SDCBP2: variants seen among roughly 807,000 people sequenced by gnomAD.
SDCBP2 encodes the protein syndecan binding protein 2.
In SDCBP2, 28 loss-of-function variants were observed where a neutral mutation model predicts 30.7. The ratio of observed to expected loss-of-function variants is 0.91; its 90% CI spans 0.68 to 1.25. The LOEUF is 1.25. Ranked by LOEUF, SDCBP2 falls within the 50% of genes most tolerant of loss-of-function variation. The pLI is 0.00. For synonymous variants in SDCBP2, 166 were observed against 157.3 expected, an observed-to-expected ratio of 1.06 and a Z score of -0.41; for missense variants, 399 against 379.0, an observed-to-expected ratio of 1.05 and a Z score of -0.44.
At chr20:1,315,874 C>T (rs2088769389) in intron 4 of SDCBP2, among the ~76,000 whole-genome samples, 1 of 152,130 alleles carries the variant, frequency 6.6e-6, no homozygotes, top group Non-Finnish European at 1.5e-5. Flanking sequence ...ACTCCCAAAA[C>T]ACTACAGACA....
chr20:1,312,767 G>A lies in SDCBP2; in HGVS notation c.385-5C>T. The A allele has an allele frequency of 6.2e-7, 1 of 1,606,630 alleles. No individual in the cohort carries two copies. ...GACCAACTGCACAAAGAGCCCCTGG[G>A]GGAGGCAGGGCCCCAGAGTCAGTGT... On this transcript the variant is annotated splice_region_variant and splice_polypyrimidine_tract_variant and intron_variant, in intron 5 of 8. Transcript: ENST00000360779.
Position 1,320,598 on chromosome 20 carries a change from C to A in SDCBP2, c.-19-163G>T, listed in dbSNP as rs909285377. The A allele has an allele frequency of 3.7e-5, 21 of 563,256 alleles. No homozygotes were observed. Among genetic ancestry groups the A allele is most frequent in the Non-Finnish European group, 6.4e-5 (20 of 313,574 alleles). 34.9% of individuals were successfully genotyped at this position (563,256 alleles called of 1,614,324 possible). A position where few individuals can be genotyped will look rare whatever the true frequency, so the allele number is the denominator to read the frequency against. ...CCGAACTCCACCCCTAATCCCCTGT[C>A]GATATTTGAACTCTACTGTATTCCA... is the stretch of plus-strand genomic sequence containing the variant. On this transcript the variant is annotated intron_variant, in intron 1 of 8. Transcript: ENST00000360779. The surrounding 1 kb of genome is among the most constrained non-coding windows in gnomAD (Gnocchi z 4.7).
At position 1,320,259 on chromosome 20, in the gene SDCBP2, G is replaced by T; in HGVS notation, c.54+104C>A. The stretch of plus-strand genomic sequence containing the variant: ...CCTGCAGTGGACACCTACATGCCCT[G>T]AGGCCTACGGGAATCTCCAAGTGGC... On this transcript the variant is annotated intron_variant, in intron 2 of 8. Transcript: ENST00000360779. This position sits in a 1 kb window ranked among gnomAD's most constrained non-coding sequence, Gnocchi z 4.7. 1 of 1,025,052 alleles carries T rather than the reference G, an allele frequency of 9.8e-7. No homozygotes were observed. Among genetic ancestry groups the T allele is most frequent in the Non-Finnish European group, 1.5e-6 (1 of 678,756 alleles). 63.5% of individuals were successfully genotyped at this position (1,025,052 alleles called of 1,614,324 possible).
rs183766118 is a variant in SDCBP2, at chr20:1,318,562, C to T, written c.125-144G>A. The T allele has an allele frequency of 8.6e-4, 501 of 583,396 alleles. 3 individuals carry two copies. The East Asian group carries it at 0.014, about 17-fold the overall frequency. 36.1% of individuals were successfully genotyped at this position (583,396 alleles called of 1,614,324 possible). ...TATTTCCAAGACTGTGGGGTATCCC[C>T]AGGAACACTCACTGATGAGCGCTCC... On this transcript the variant is annotated intron_variant, in intron 3 of 8. Transcript: ENST00000360779.
chr20:1,314,983 T>C (rs1287001639), intron 4 of SDCBP2, among the ~76,000 whole-genome samples: 1 of 152,242 alleles, frequency 6.6e-6, no homozygotes, highest in Non-Finnish European at 1.5e-5. Flanking sequence ...ACAAGATGTT[T>C]TGCAGATCCA....
At chr20:1,327,198 G>C (rs2088940807) in intron 1 of SDCBP2, among the ~76,000 whole-genome samples, 1 of 152,160 alleles carries the variant, frequency 6.6e-6, no homozygotes, top group Admixed American at 6.5e-5. Flanking sequence ...CTGAGCTTCT[G>C]TACTTTTTGA....
chr20:1,310,615 T>C (rs2088648392), intron 8 of SDCBP2, 120 bp from the exon 9 acceptor site: 8 of 1,090,366 alleles, frequency 7.3e-6, no homozygotes, highest in South Asian at 1.5e-5. Context: ...TCTAAGACTT[T>C]CGAATCACCA....
intron 4 of SDCBP2, among the ~76,000 whole-genome samples, chr20:1,315,448 G>C (rs2088763169): frequency 6.6e-6 from 1 of 152,174 alleles, no homozygotes; most frequent in South Asian, 2.1e-4. Context: ...AGGATCGCTT[G>C]AGCCCAGGAG....
chr20:1,326,966 T>C (rs1448471733), intron 1 of SDCBP2, among the ~76,000 whole-genome samples: 1 of 152,200 alleles, frequency 6.6e-6, no homozygotes, highest in Non-Finnish European at 1.5e-5. Flanking sequence ...GTAGAAAGTC[T>C]TTCGAAGAAT....
At position 1,313,966 on chromosome 20, in the gene SDCBP2, G is replaced by A. The variant is rs2088729394; in HGVS notation, c.226-468C>T. On this transcript the variant is annotated intron_variant, in intron 4 of 8. Coordinates refer to ENST00000360779, the MANE Select transcript of SDCBP2 (RefSeq NM_080489.5). This position sits in a 1 kb window ranked among gnomAD's most constrained non-coding sequence, Gnocchi z 5.2. ...AAGATGGTACTGGAAGACCTAGCCAGCACAGTAGGCAAGAAAAGAGGGGGA... is the reference window on the plus strand; with the variant it reads ...AAGATGGTACTGGAAGACCTAGCCAACACAGTAGGCAAGAAAAGAGGGGGA... Among the ~76,000 whole-genome samples the A allele has an allele frequency of 6.6e-6, 1 of 152,164 alleles. No homozygotes were observed. The highest frequency in any genetic ancestry group is 1.5e-5 in the Non-Finnish European group (1 of 68,030).
In SDCBP2 at chr20:1,312,620, G is replaced by T; in HGVS notation, c.527C>A (p.Ser176Ter). 1 of 1,614,126 alleles carries T rather than the reference G, an allele frequency of 6.2e-7. No individual in the cohort carries two copies. The highest frequency in any genetic ancestry group is 8.5e-7 in the Non-Finnish European group (1 of 1,180,000). The part of the protein sequence containing the change: ...HKAHQVVKKA[S>*]GDKIVVVVRD... ...AACCACCACGACAATCTTATCGCCT[G>T]ATGCCTTCTTCACCACCTGATGGGC... The change falls in exon 6 of 9, where the codon TCA becomes TAA. Residue 176 changes from serine to a stop codon, truncating the protein, a stop_gained. Coordinates refer to ENST00000360779, the MANE Select transcript of SDCBP2 (RefSeq NM_080489.5). LOFTEE classifies it high-confidence loss of function.
chr20:1,319,535 A>G lies in SDCBP2; in HGVS notation c.124+55T>C. ...TTGGCATTGCCAAGCTTCCCTGATG[A>G]TCTCTTCCCTGAAAGGACTTGGCAC... On this transcript the variant is annotated intron_variant, in intron 3 of 8. Transcript: ENST00000360779. 8.6e-6 allele frequency: 13 copies of G among 1,520,384 alleles called. No individual in the cohort carries two copies. The South Asian group carries it at 1.6e-4, about 18-fold the overall frequency. The allele number at this position is 1,520,384 out of a possible 1,614,324, so 94.2% of individuals were successfully genotyped here.
chr20:1,312,370 A>T lies in SDCBP2; in HGVS notation c.699T>A (p.Cys233Ter). 1 of 1,613,358 alleles carries T rather than the reference A, an allele frequency of 6.2e-7. No individual in the cohort carries two copies. The change falls in exon 7 of 9, where the codon TGT becomes TGA. Residue 233 changes from cysteine (C) to a stop codon, truncating the protein, a stop_gained. Transcript: ENST00000360779. LOFTEE classifies it high-confidence loss of function. Reference protein sequence around the residue: ...RNGLLTNHYVCEVDGQNVIGL... With the variant: ...RNGLLTNHYV ...CGATAACATTCTGCCCGTCCACCTC[A>T]CACACGTAGTGGTTGGTGAGGAGCC...
At position 1,318,416 on chromosome 20, in the gene SDCBP2, A is replaced by G; in HGVS notation, c.127T>C (p.Leu43=). 1 of 1,583,492 alleles carries G rather than the reference A, an allele frequency of 6.3e-7. No homozygotes were observed. The change falls in exon 4 of 9, where the codon TTG becomes CTG. Residue 43 remains leucine (L), a splice_region_variant and synonymous_variant. Transcript: ENST00000360779. The part of the protein sequence containing the change: ...QATAISPPPV[L]YPNLAELENY... ...TCCAGTTCTGCCAAGTTTGGGTACAAAACTGATAGGGAAAGAAGGAAGAAT... is the reference window on the plus strand; with the variant it reads ...TCCAGTTCTGCCAAGTTTGGGTACAGAACTGATAGGGAAAGAAGGAAGAAT...
chr20:1,312,320 T>C lies in SDCBP2; in HGVS notation c.732+17A>G, dbSNP rs4814110. On this transcript the variant is annotated intron_variant, in intron 7 of 8. Transcript: ENST00000360779. ...CCACCACCCGGCAGTCCCTCCCTGG[T>C]GCGGCCACCAGCCTACCTTCAGCCC... is the stretch of plus-strand genomic sequence containing the variant. The C allele has an allele frequency of 1, 1,606,849 of 1,609,120 alleles. 802,309 individuals are homozygous for C. The highest frequency in any genetic ancestry group is 1 in the East Asian group (44,662 of 44,666).
In SDCBP2 at chr20:1,313,095, TG is replaced by T; in HGVS notation, c.384+244del. 1 of 593,052 alleles carries T rather than the reference TG, an allele frequency of 1.7e-6. No individual in the cohort carries two copies. The highest frequency in any genetic ancestry group is 3.0e-6 in the Non-Finnish European group (1 of 335,448). The allele number at this position is 593,052 out of a possible 1,614,324, so 36.7% of individuals were successfully genotyped here. ...GATGCCCTGGGCAGCGAAGGGCAGG[TG>T]GGGAAGGGAGGCTCCTCCGAGCGAC... On this transcript the variant is annotated intron_variant, in intron 5 of 8. Coordinates refer to ENST00000360779, the MANE Select transcript of SDCBP2 (RefSeq NM_080489.5). This position sits in a 1 kb window ranked among gnomAD's most constrained non-coding sequence, Gnocchi z 5.2.
rs1416454047 is a variant in SDCBP2 at position 1,313,043 on chromosome 20, G to C, written c.385-281C>G. 2 of 585,498 alleles carry C rather than the reference G, an allele frequency of 3.4e-6. No homozygotes were observed. The highest frequency in any genetic ancestry group is 6.1e-5 in the Admixed American group (2 of 32,548). The allele number at this position is 585,498 out of a possible 1,614,324, so 36.3% of individuals were successfully genotyped here. On this transcript the variant is annotated intron_variant, in intron 5 of 8. Transcript: ENST00000360779. This position sits in a 1 kb window ranked among gnomAD's most constrained non-coding sequence, Gnocchi z 5.2. ...AAAGGCATGGGCTTCCCTGGCGTCG[G>C]CTGTCTACACCGTCGCCTGGAAGCT...
At position 1,321,924 on chromosome 20, in the gene SDCBP2, A is replaced by G. The variant is rs1379913739; in HGVS notation, c.-19-1489T>C. 6.6e-6 allele frequency: 1 copy of G among 152,244 alleles called. No homozygotes were observed. Among genetic ancestry groups the G allele is most frequent in the East Asian group, 1.9e-4 (1 of 5,188 alleles). 9.4% of individuals were successfully genotyped at this position (152,244 alleles called of 1,614,324 possible). Reference sequence around the variant, plus strand: ...AGCAGAGTAGCTACAATTGAGTAGCAGCAGACTCCAGGGTGACCCAGTCCA... The same window carrying G: ...AGCAGAGTAGCTACAATTGAGTAGCGGCAGACTCCAGGGTGACCCAGTCCA... On this transcript the variant is annotated intron_variant, in intron 1 of 8. Coordinates refer to ENST00000360779, the MANE Select transcript of SDCBP2 (RefSeq NM_080489.5). The surrounding 1 kb of genome is among the most constrained non-coding windows in gnomAD (Gnocchi z 5.2).
At position 1,310,816 on chromosome 20, in the gene SDCBP2, C is replaced by T. The variant is rs529922288; in HGVS notation, c.808G>A (p.Glu270Lys). The change falls in exon 8 of 9, where the codon GAG becomes AAG. Residue 270 changes from glutamate to lysine, a missense_variant. Glu to Lys is a moderately conservative substitution (Grantham distance 56). Transcript: ENST00000360779. ...TLTIIPSVIY[E>K]HMVKKLPPVL... ...CAGCCTTACTTTTTGACCATGTGCT[C>T]GTAGATCACACTGGGGATGATGGTC... is the stretch of plus-strand genomic sequence containing the variant. 1.2e-5 allele frequency: 19 copies of T among 1,613,230 alleles called. No individual in the cohort carries two copies. Among genetic ancestry groups the T allele is most frequent in the South Asian group, 9.9e-5 (9 of 91,032 alleles).
Sources: gnomAD v4.1 joint callset for allele counts (sites outside exome capture counted in the v4.1 genomes callset) on GRCh38, gnomAD v4.1.1 for gene constraint, Gnocchi (gnomAD v3.1) non-coding constraint, MANE v1.5 for transcripts, NCBI Gene and HGNC (gene_info 2026-07-23, HGNC 2026-07-21) for gene names.